Variants in CDK5RAP1 observed in about 807,000 individuals in gnomAD.
The protein encoded by CDK5RAP1 is CDK5RAP1 mitochondrial tRNA methylthiotransferase.
In CDK5RAP1, 62 loss-of-function variants were observed where a neutral mutation model predicts 64.5. That is an observed-to-expected ratio of 0.96 (90% CI 0.78 to 1.19). The LOEUF (loss-of-function observed/expected upper bound fraction) is 1.19. Among genes scored for constraint, CDK5RAP1 ranks in the 50% most tolerant of loss-of-function variants. CDK5RAP1 has a pLI of 0.00. For missense variants in CDK5RAP1, 657 were observed against 735.0 expected, an observed-to-expected ratio of 0.89 and a Z score of 1.23; for synonymous variants, 250 against 261.9, an observed-to-expected ratio of 0.95 and a Z score of 0.44.
At chr20:33,382,510 G>A (rs866904298) in intron 7 of CDK5RAP1, among the ~76,000 whole-genome samples, 30 of 151,542 alleles carry the variant, frequency 2.0e-4, no homozygotes, top group Non-Finnish European at 1.3e-4. Context: ...GTGAAACCCC[G>A]TCTCTACTAA....
At chr20:33,388,210 C>G (rs1049391206) in intron 5 of CDK5RAP1, among the ~76,000 whole-genome samples, 1 of 152,132 alleles carries the variant, frequency 6.6e-6, no homozygotes, top group South Asian at 2.1e-4. Flanking sequence ...CACTTGAACC[C>G]TTTCCCTCTC....
chr20:33,400,688 G>A (rs1209766356), intron 1 of CDK5RAP1, among the ~76,000 whole-genome samples: 1 of 152,066 alleles, frequency 6.6e-6, no homozygotes, highest in Non-Finnish European at 1.5e-5. Flanking sequence ...GGTGGTATGC[G>A]CCTGTAATCC....
At position 33,370,506 on chromosome 20, in the gene CDK5RAP1, A is replaced by G. The variant is rs1438055463; in HGVS notation, c.1385T>C (p.Met462Thr). 3.1e-6 allele frequency: 5 copies of G among 1,614,084 alleles called. No homozygotes were observed. The highest frequency in any genetic ancestry group is 2.2e-5 in the East Asian group (1 of 44,880). The change falls in exon 11 of 14, where the codon ATG becomes ACG. Residue 462 changes from methionine (M) to threonine (T), a missense_variant. Met to Thr is a moderately conservative substitution (Grantham distance 81). Transcript: ENST00000346416. ...CCCAACCCCAGGGCTCACCTGTCTC[A>G]TGCTGTAGGCAAAGAGGAAGCCCAT... Reference protein sequence around the residue: ...YNMGFLFAYSMRQKTRAYHRL... With the variant: ...YNMGFLFAYSTRQKTRAYHRL...
rs959517133 is a variant in CDK5RAP1 at position 33,391,824 on chromosome 20, G to GA, written c.544+317dup. ...AACAAGAGTGAAACTCCATCTCAAA[G>GA]AAAAAAAAAAAAGAAATTCAAGCTG... On this transcript the variant is annotated intron_variant, in intron 5 of 13. Transcript: ENST00000346416. 2.9e-3 allele frequency among the ~76,000 whole-genome samples: 400 copies of GA among 138,486 alleles called. 5 individuals carry two copies. The highest frequency in any genetic ancestry group is 0.011 in the Middle Eastern group (3 of 270). 90.9% of individuals were successfully genotyped at this position (138,486 alleles called of 152,430 possible). A position where few individuals can be genotyped will look rare whatever the true frequency, so the allele number is the denominator to read the frequency against.
At chr20:33,387,824 T>C (rs1236023379) in intron 5 of CDK5RAP1, among the ~76,000 whole-genome samples, 1 of 152,004 alleles carries the variant, frequency 6.6e-6, no homozygotes, top group African/African-American at 2.4e-5. Flanking sequence ...CCCCACACTT[T>C]GGGGGGCCGA....
chr20:33,361,351 C>T (rs772119811), intron 12 of CDK5RAP1, among the ~76,000 whole-genome samples: 9 of 152,068 alleles, frequency 5.9e-5, no homozygotes, highest in East Asian at 1.9e-4. Flanking sequence ...GGGAGCAAAG[C>T]GGAAAAAGAA....
In CDK5RAP1 at chr20:33,392,209, TA is replaced by T; in HGVS notation, c.476del (p.Leu159TyrfsTer7). The T allele has an allele frequency of 6.2e-7, 1 of 1,613,980 alleles. No homozygotes were observed. Among genetic ancestry groups the T allele is most frequent in the African/African-American group, 1.3e-5 (1 of 75,066 alleles). On this transcript the variant is annotated frameshift_variant, in exon 5 of 14. Coordinates refer to ENST00000346416, the MANE Select transcript of CDK5RAP1 (RefSeq NM_016408.4). LOFTEE classifies it high-confidence loss of function. ...TTGTCTTCAAGGCTTTAAGCTGATG[TA>T]AACGGTTCCAGATGGTCTGCTCAGC... ...EKAEQTIWNR[L>X]HQLKALKTRR...
At chr20:33,380,890 C>T (rs897719927) in intron 7 of CDK5RAP1, among the ~76,000 whole-genome samples, 1 of 152,056 alleles carries the variant, frequency 6.6e-6, no homozygotes, top group Non-Finnish European at 1.5e-5. Flanking sequence ...ATCCCAGCTA[C>T]TAAGGAGGGT....
At chr20:33,362,991 T>C (rs1983213733) in intron 12 of CDK5RAP1, among the ~76,000 whole-genome samples, 1 of 152,224 alleles carries the variant, frequency 6.6e-6, no homozygotes, top group African/African-American at 2.4e-5. Flanking sequence ...AGAGTAACTT[T>C]ACAGTCAAGA....
chr20:33,395,239 T>C (rs529287104), intron 2 of CDK5RAP1, 123 bp from the exon 3 acceptor site: 82 of 636,408 alleles, frequency 1.3e-4, no homozygotes, highest in Non-Finnish European at 2.1e-4. Flanking sequence ...CTAAGTCCCC[T>C]ATTGCTTCAA....
intron 4 of CDK5RAP1, among the ~76,000 whole-genome samples, chr20:33,393,281 T>C (rs1312031388): frequency 6.6e-6 from 1 of 152,100 alleles, no homozygotes; most frequent in African/African-American, 2.4e-5. Context: ...ACTCAAGTGA[T>C]CCTCCCACCT....
chr20:33,365,654 G>A (rs1228953798), intron 12 of CDK5RAP1, among the ~76,000 whole-genome samples: 5 of 148,456 alleles, frequency 3.4e-5, no homozygotes, highest in African/African-American at 7.5e-5. Flanking sequence ...TCTGGAGAGA[G>A]AGCTGTATCT....
chr20:33,378,104 G>A (rs1017569997), intron 8 of CDK5RAP1, among the ~76,000 whole-genome samples: 4 of 152,264 alleles, frequency 2.6e-5, no homozygotes, highest in South Asian at 2.1e-4. Flanking sequence ...AGCCTAGCTC[G>A]GCTTTCAACA....
At chr20:33,371,682 C>G (rs1437994358) in intron 10 of CDK5RAP1, among the ~76,000 whole-genome samples, 1 of 152,024 alleles carries the variant, frequency 6.6e-6, no homozygotes, top group Non-Finnish European at 1.5e-5. Context: ...ACTTGGGAGG[C>G]TGAGGCACAA....
At chr20:33,389,193 G>T (rs551955743) in intron 5 of CDK5RAP1, among the ~76,000 whole-genome samples, 1 of 151,426 alleles carries the variant, frequency 6.6e-6, no homozygotes, top group African/African-American at 2.4e-5. Flanking sequence ...GTCTCTGCCC[G>T]GCCACCCATC....
At chr20:33,401,285 G>C (rs183892222) in intron 1 of CDK5RAP1, 143 bp downstream of exon 1, 1 of 569,298 alleles carries the variant, frequency 1.8e-6, no homozygotes, top group African/African-American at 2.0e-5. Flanking sequence ...AACCCCTACA[G>C]CCTGACGCCA....
In CDK5RAP1 at chr20:33,392,173, G is replaced by T. The variant is rs778880407; in HGVS notation, c.513C>A (p.Arg171=). The change falls in exon 5 of 14, where the codon CGC becomes CGA. Residue 171 remains arginine (R), a synonymous_variant. Coordinates refer to ENST00000346416, the MANE Select transcript of CDK5RAP1 (RefSeq NM_016408.4). ...TTCCAATCCTCAGAGGAACCCGGGA[G>T]CGGGGCCGCCTTGTCTTCAAGGCTT... ...QLKALKTRRP[R]SRVPLRIGIL... 3 of 1,613,534 alleles carry T rather than the reference G, an allele frequency of 1.9e-6. No individual in the cohort carries two copies. The highest frequency in any genetic ancestry group is 2.5e-6 in the Non-Finnish European group (3 of 1,179,492).
At chr20:33,391,249 T>TAA (rs60730257) in intron 5 of CDK5RAP1, among the ~76,000 whole-genome samples, 7,237 of 107,150 alleles carry the variant, frequency 0.068, 303 homozygotes, top group African/African-American at 0.087. Flanking sequence ...ACTCTGTTTT[T>TAA]AAAAAAAAAA....
At chr20:33,361,973 A>G (rs866538280) in intron 12 of CDK5RAP1, among the ~76,000 whole-genome samples, 2 of 149,158 alleles carry the variant, frequency 1.3e-5, no homozygotes, top group Middle Eastern at 3.4e-3. Context: ...AAAAAAAAAA[A>G]AAGGAAGGAA....
Sources: allele counts gnomAD v4.1 joint callset (sites outside exome capture counted in the v4.1 genomes callset), GRCh38; gene constraint gnomAD v4.1.1; transcripts MANE v1.5; gene names NCBI Gene and HGNC (gene_info 2026-07-23, HGNC 2026-07-21).